The following TYW5 variants were observed in gnomAD, a reference collection of about 807,000 sequenced individuals.
TYW5 encodes the protein tRNA wybutosine-synthesizing protein 5.
In TYW5, 36 loss-of-function variants were observed where a neutral mutation model predicts 44.4. The observed-to-expected ratio is 0.81, with a 90% CI of 0.62 to 1.07. The LOEUF (loss-of-function observed/expected upper bound fraction) is 1.07, where lower values mean the gene tolerates loss of function less well. Ranked by LOEUF, TYW5 falls within the 50% of genes least tolerant of loss-of-function variation. The probability of loss-of-function intolerance (pLI) is 0.00; values close to 1 mark genes in which losing one functional copy is unlikely to be tolerated. For missense variants in TYW5, 354 were observed against 365.7 expected, an observed-to-expected ratio of 0.97 and a Z score of 0.26; for synonymous variants, 121 against 128.1, an observed-to-expected ratio of 0.94 and a Z score of 0.37.
intron 7 of TYW5, among the ~76,000 whole-genome samples, chr2:199,935,595 A>C (rs2105691139): frequency 7.1e-6 from 1 of 140,412 alleles, no homozygotes; most frequent in Non-Finnish European, 1.5e-5. Flanking sequence ...CAATCCTCCC[A>C]CCTTGGCCTC....
At chr2:199,954,891 A>T (rs965552199) in intron 1 of TYW5, among the ~76,000 whole-genome samples, 1 of 152,190 alleles carries the variant, frequency 6.6e-6, no homozygotes, top group Admixed American at 6.5e-5. Context: ...TGCAAGTAAA[A>T]GCACTTTTTG....
rs758822226 is a variant in TYW5, at chr2:199,933,287, C to G, written c.728G>C (p.Gly243Ala). 1.9e-6 allele frequency: 3 copies of G among 1,613,292 alleles called. No homozygotes were observed. The highest frequency in any genetic ancestry group is 2.5e-6 in the Non-Finnish European group (3 of 1,179,806). Residue 243 changes from glycine to alanine, a missense_variant, in exon 8 of 8, where the codon GGA (glycine) becomes GCA (alanine). Transcript: ENST00000354611. ...CTTCCAAAAGATATTCACTCCCACTCCAAACTCTTCAGAAATTACATTATG... is the reference window on the plus strand; with the variant it reads ...CTTCCAAAAGATATTCACTCCCACTGCAAACTCTTCAGAAATTACATTATG... ...WFHNVISEEFGVGVNIFWKHL... is the reference protein window; with the variant it reads ...WFHNVISEEFAVGVNIFWKHL...
At chr2:199,938,803 T>A in intron 5 of TYW5, 130 bp downstream of exon 5, 1 of 969,864 alleles carries the variant, frequency 1.0e-6, no homozygotes, top group Non-Finnish European at 1.5e-6. Context: ...CAGCACCTAT[T>A]TTCAAAAGTC....
intron 1 of TYW5, among the ~76,000 whole-genome samples, chr2:199,951,961 G>A (rs2105713876): frequency 6.6e-6 from 1 of 151,622 alleles, no homozygotes; most frequent in South Asian, 2.1e-4. Context: ...AGCTTGCAGT[G>A]AGCTGAGATC....
chr2:199,932,062 C>G lies in TYW5; in HGVS notation c.*1005G>C, dbSNP rs1248140237. 1 of 151,906 alleles carries G rather than the reference C, an allele frequency of 6.6e-6. No homozygotes were observed. The highest frequency in any genetic ancestry group is 1.5e-5 in the Non-Finnish European group (1 of 67,956). 9.4% of individuals were successfully genotyped at this position (151,906 alleles called of 1,614,324 possible). ...GTAACATTCAAAAACCAAAAACCAC[C>G]CTGACATACTGGGTGGCAAGAAAAG... On this transcript the variant is annotated 3_prime_UTR_variant, in exon 8 of 8. Coordinates refer to ENST00000354611, the MANE Select transcript of TYW5 (RefSeq NM_001039693.3).
chr2:199,948,245 A>G (rs1196328372), intron 2 of TYW5, 73 bp downstream of exon 2: 1 of 1,508,816 alleles, frequency 6.6e-7, no homozygotes, highest in Non-Finnish European at 9.1e-7. Context: ...GTCTTTGTAT[A>G]ATAATGCAAA....
intron 5 of TYW5, among the ~76,000 whole-genome samples, chr2:199,938,165 C>T (rs1321510436): frequency 6.6e-6 from 1 of 151,658 alleles, no homozygotes; most frequent in Admixed American, 6.6e-5. Flanking sequence ...CCTGGATTCA[C>T]GCCATTCTCC....
chr2:199,949,469 T>C (rs1358883520), intron 1 of TYW5, among the ~76,000 whole-genome samples: 2 of 152,204 alleles, frequency 1.3e-5, no homozygotes, highest in Non-Finnish European at 2.9e-5. Context: ...CTTTGCTTTA[T>C]TTTTTCCTAA....
intron 5 of TYW5, 54 bp from the exon 6 acceptor site, chr2:199,936,546 G>A (rs1300202357): frequency 6.8e-7 from 1 of 1,460,634 alleles, no homozygotes; most frequent in Admixed American, 1.8e-5. Flanking sequence ...CAAATAAATA[G>A]AACCAATGGC....
intron 4 of TYW5, among the ~76,000 whole-genome samples, chr2:199,939,745 T>C (rs1020581917): frequency 2.0e-5 from 3 of 152,222 alleles, no homozygotes; most frequent in Admixed American, 2.0e-4. Flanking sequence ...TCTGAATACA[T>C]GTCAAAACTT....
rs571244020 is a variant in TYW5 at position 199,936,596 on chromosome 2, C to T, written c.487-104G>A. On this transcript the variant is annotated intron_variant, in intron 5 of 7. Coordinates refer to ENST00000354611, the MANE Select transcript of TYW5 (RefSeq NM_001039693.3). ...CTGCAAACCCGATCCTTTAATGAGACTTGACTTACTTAAGACTCTTACAGT... is the reference window on the plus strand; with the variant it reads ...CTGCAAACCCGATCCTTTAATGAGATTTGACTTACTTAAGACTCTTACAGT... The T allele has an allele frequency of 5.9e-4, 514 of 875,180 alleles. 1 individual carries two copies. Among genetic ancestry groups the T allele is most frequent in the Non-Finnish European group, 8.4e-4 (463 of 551,178 alleles). The allele number at this position is 875,180 out of a possible 1,614,324, so 54.2% of individuals were successfully genotyped here.
chr2:199,934,399 A>G lies in TYW5; in HGVS notation c.692-1076T>C, dbSNP rs1046377228. On this transcript the variant is annotated intron_variant, in intron 7 of 7. Coordinates refer to ENST00000354611, the MANE Select transcript of TYW5 (RefSeq NM_001039693.3). ...TGAAGAATAAGGGAAAACTACATAG[A>G]TCTTAATCATGCTCCCAAGATACAA... 2.0e-5 allele frequency among the ~76,000 whole-genome samples: 3 copies of G among 151,950 alleles called. No homozygotes were observed. The South Asian group carries it at 6.2e-4, about 31-fold the overall frequency.
rs2077360148 is a variant in TYW5 at position 199,929,806 on chromosome 2, A to C, written c.*3261T>G. ...AATACCAAGACAAATAATGTTATGA[A>C]ATGCTAATAATTACACTCTGTTTAG... On this transcript the variant is annotated 3_prime_UTR_variant, in exon 8 of 8. Transcript: ENST00000354611. Among the ~76,000 whole-genome samples the C allele has an allele frequency of 6.6e-6, 1 of 151,624 alleles. No individual in the cohort carries two copies. The highest frequency in any genetic ancestry group is 2.4e-5 in the African/African-American group (1 of 41,266).
Position 199,955,419 on chromosome 2 carries a change from G to A in TYW5, c.52C>T (p.Gln18Ter). ...VPRLEGVSRE[Q>*]FMQHLYPQRK... Reference sequence around the variant, plus strand: ...TGTGGGTAGAGGTGCTGCATGAACTGCTCCCGAGAAACGCCCTCCAGCCGG... The same window carrying A: ...TGTGGGTAGAGGTGCTGCATGAACTACTCCCGAGAAACGCCCTCCAGCCGG... Residue 18 changes from glutamine (Q) to a stop codon, truncating the protein, a stop_gained, in exon 1 of 8, where the codon CAG becomes TAG. Coordinates refer to ENST00000354611, the MANE Select transcript of TYW5 (RefSeq NM_001039693.3). LOFTEE classifies it high-confidence loss of function. The A allele has an allele frequency of 1.2e-6, 2 of 1,613,908 alleles. No homozygotes were observed. The highest frequency in any genetic ancestry group is 8.5e-7 in the Non-Finnish European group (1 of 1,179,954).
intron 4 of TYW5, 136 bp from the exon 5 acceptor site, chr2:199,939,206 A>C (rs754493971): frequency 4.9e-5 from 35 of 711,172 alleles, no homozygotes; most frequent in Middle Eastern, 4.1e-4. Flanking sequence ...CTCTCTCTCT[A>C]TCTTTCTCTC....
At chr2:199,938,904 G>C (rs1225306782) in intron 5 of TYW5, 29 bp downstream of exon 5, 1 of 1,569,046 alleles carries the variant, frequency 6.4e-7, no homozygotes, top group South Asian at 1.2e-5. Flanking sequence ...ATCTATTGTA[G>C]CTTTAAATTT....
At chr2:199,943,544 C>G (rs942722255) in intron 3 of TYW5, 6 of 434,170 alleles carry the variant, frequency 1.4e-5, no homozygotes, top group African/African-American at 8.2e-5. Context: ...TATTATCACC[C>G]CCATTTCACA....
Position 199,955,466 on chromosome 2 carries a change from G to T in TYW5, c.5C>A (p.Ala2Asp), listed in dbSNP as rs768881764. ...CCGGGGTACCGGGAGGTGCTGCCCG[G>T]CCATGGTTGCTCACGCCTGCCCTCT... Reference protein sequence around the residue: MAGQHLPVPRLE... With the variant: MDGQHLPVPRLE... Residue 2 changes from alanine (A) to aspartate (D), a missense_variant, in exon 1 of 8, where the codon GCC becomes GAC. Transcript: ENST00000354611. 6 of 1,613,694 alleles carry T rather than the reference G, an allele frequency of 3.7e-6. 1 individual carries two copies. In the South Asian group the frequency reaches 6.6e-5, roughly 18 times the overall value.
rs1302259125 is a variant in TYW5, at chr2:199,943,966, T to C, written c.234-132A>G. Reference sequence around the variant, plus strand: ...TTTATAATATCTGTAATTTTTATTATAACCTATTATGTGAAATTCTAACTT... The same window carrying C: ...TTTATAATATCTGTAATTTTTATTACAACCTATTATGTGAAATTCTAACTT... On this transcript the variant is annotated intron_variant, in intron 2 of 7. Coordinates refer to ENST00000354611, the MANE Select transcript of TYW5 (RefSeq NM_001039693.3). 6 of 588,108 alleles carry C rather than the reference T, an allele frequency of 1.0e-5. No individual in the cohort carries two copies. In the South Asian group the frequency reaches 1.8e-4, roughly 17 times the overall value. The allele number at this position is 588,108 out of a possible 1,614,324, so 36.4% of individuals were successfully genotyped here. A position where few individuals can be genotyped will look rare whatever the true frequency, so the allele number is the denominator to read the frequency against.
Sources: gnomAD v4.1 joint callset for allele counts (sites outside exome capture counted in the v4.1 genomes callset) on GRCh38, gnomAD v4.1.1 for gene constraint, MANE v1.5 for transcripts, NCBI Gene and HGNC (gene_info 2026-07-23, HGNC 2026-07-21) for gene names.